The following FSTL5 variants were observed in gnomAD, a reference collection of about 807,000 sequenced individuals.
The protein encoded by FSTL5 is follistatin like 5.
Under a neutral mutation model 89.1 loss-of-function variants are expected in FSTL5, and 62 were observed. The observed-to-expected ratio is 0.70, with a 90% CI of 0.57 to 0.86. The LOEUF is 0.86. Among genes scored for constraint, FSTL5 ranks in the 40% least tolerant of loss-of-function variants. The probability of loss-of-function intolerance (pLI) is 0.00; values close to 1 mark genes in which losing one functional copy is unlikely to be tolerated. For synonymous variants in FSTL5, 383 were observed against 346.2 expected, an observed-to-expected ratio of 1.11 and a Z score of -1.18; for missense variants, 1,057 against 1,001.6, an observed-to-expected ratio of 1.06 and a Z score of -0.75.
At chr4:162,092,481 C>G (rs1234138116) in intron 2 of FSTL5, among the ~76,000 whole-genome samples, 1 of 152,170 alleles carries the variant, frequency 6.6e-6, no homozygotes, top group East Asian at 1.9e-4. Context: ...AATTTCCCAA[C>G]AGATGATCAT....
chr4:161,835,584 A>G (rs1355483777), intron 4 of FSTL5, among the ~76,000 whole-genome samples: 5 of 152,018 alleles, frequency 3.3e-5, no homozygotes, highest in Admixed American at 3.3e-4. Context: ...CAGAATCTAC[A>G]ATGAACTCAA....
At chr4:162,033,557 C>T (rs1183754947) in intron 3 of FSTL5, 68 bp downstream of exon 3, 13 of 758,018 alleles carry the variant, frequency 1.7e-5, no homozygotes, top group Non-Finnish European at 2.6e-5. Flanking sequence ...TTCAAAGTAG[C>T]ATCACATATC....
At chr4:161,636,559 G>T (rs182114716) in intron 7 of FSTL5, among the ~76,000 whole-genome samples, 2 of 147,664 alleles carry the variant, frequency 1.4e-5, no homozygotes, top group Admixed American at 1.4e-4. Flanking sequence ...TGCGCTGCAC[G>T]CACTAACTCG....
chr4:162,096,343 G>A (rs1364319402), intron 2 of FSTL5, among the ~76,000 whole-genome samples: 1 of 151,394 alleles, frequency 6.6e-6, no homozygotes, highest in African/African-American at 2.4e-5. Context: ...CTTTTCTTCA[G>A]CAATGAAAAC....
chr4:162,013,657 T>A (rs906419361), intron 3 of FSTL5, among the ~76,000 whole-genome samples: 2 of 152,316 alleles, frequency 1.3e-5, no homozygotes, highest in African/African-American at 4.8e-5. Flanking sequence ...GTTGGGATCA[T>A]GGCACATGGC....
intron 1 of FSTL5, among the ~76,000 whole-genome samples, chr4:162,126,986 C>G (rs1017607101): frequency 6.6e-6 from 1 of 152,134 alleles, no homozygotes; most frequent in African/African-American, 2.4e-5. Context: ...GTCAGCTTGC[C>G]TGACTGTCGT....
chr4:161,759,261 G>A (rs1385228817), intron 6 of FSTL5, 150 bp downstream of exon 6: 1 of 632,376 alleles, frequency 1.6e-6, no homozygotes, highest in African/African-American at 1.9e-5. Flanking sequence ...TTTTTCATAT[G>A]TTTCAATACA....
At chr4:161,784,720 C>T (rs1035070547) in intron 4 of FSTL5, among the ~76,000 whole-genome samples, 2 of 151,780 alleles carry the variant, frequency 1.3e-5, no homozygotes, top group Non-Finnish European at 2.9e-5. Context: ...CGCTGAAACC[C>T]CATCTCTACT....
At chr4:161,835,897 G>A (rs1183028249) in intron 4 of FSTL5, among the ~76,000 whole-genome samples, 3 of 150,770 alleles carry the variant, frequency 2.0e-5, no homozygotes, top group East Asian at 2.0e-4. Flanking sequence ...TCAGTGTGGC[G>A]ATTCCTCAGG....
chr4:161,838,486 G>C (rs539829086), intron 4 of FSTL5, among the ~76,000 whole-genome samples: 47 of 152,012 alleles, frequency 3.1e-4, no homozygotes, highest in African/African-American at 1.1e-3. Context: ...GGATTTCACC[G>C]TGTTAGCCAG....
intron 2 of FSTL5, among the ~76,000 whole-genome samples, chr4:162,088,009 CAAA>C (rs990654972): frequency 2.0e-5 from 3 of 151,988 alleles, no homozygotes; most frequent in African/African-American, 4.8e-5. Flanking sequence ...GGGAAATATT[CAAA>C]AAATAATACT....
At chr4:161,869,042 T>C (rs1560890618) in intron 4 of FSTL5, among the ~76,000 whole-genome samples, 1 of 151,896 alleles carries the variant, frequency 6.6e-6, no homozygotes, top group Non-Finnish European at 1.5e-5. Flanking sequence ...GCCAACATGG[T>C]GAAACCTCGT....
chr4:161,863,369 A>G lies in FSTL5; in HGVS notation c.409+57035T>C, dbSNP rs17041683. 6.2e-3 allele frequency among the ~76,000 whole-genome samples: 945 copies of G among 152,334 alleles called. 10 individuals are homozygous for G. The highest frequency in any genetic ancestry group is 0.022 in the African/African-American group (894 of 41,578). ...AGTTTCAGGCAAGGGAAGTTTTATC[A>G]TCAAAGATGTGCAGGAGGGTGAATG... On this transcript the variant is annotated intron_variant, in intron 4 of 15. Coordinates refer to ENST00000306100, the MANE Select transcript of FSTL5 (RefSeq NM_020116.5).
intron 2 of FSTL5, among the ~76,000 whole-genome samples, chr4:162,076,815 G>A (rs565674261): frequency 2.0e-5 from 3 of 151,782 alleles, no homozygotes; most frequent in Non-Finnish European, 4.4e-5. Flanking sequence ...CTCAGACACG[G>A]GGCTGATGTA....
intron 15 of FSTL5, among the ~76,000 whole-genome samples, chr4:161,392,482 C>A (rs975126462): frequency 2.6e-5 from 4 of 152,120 alleles, no homozygotes; most frequent in African/African-American, 9.7e-5. Flanking sequence ...ACCTTGGCCT[C>A]CCAGTGTGCT....
chr4:161,744,430 C>G (rs1292452955), intron 6 of FSTL5, among the ~76,000 whole-genome samples: 1 of 152,060 alleles, frequency 6.6e-6, no homozygotes, highest in Admixed American at 6.6e-5. Flanking sequence ...GGCTTAGCAC[C>G]AATAGTGGTA....
intron 7 of FSTL5, among the ~76,000 whole-genome samples, chr4:161,617,085 G>T (rs1330423148): frequency 4.6e-5 from 7 of 151,282 alleles, no homozygotes; most frequent in Non-Finnish European, 1.0e-4. Flanking sequence ...TAGGTTCAAG[G>T]ACTTAAAGGA....
intron 6 of FSTL5, among the ~76,000 whole-genome samples, chr4:161,690,700 C>T (rs1331652884): frequency 6.6e-6 from 1 of 151,996 alleles, no homozygotes; most frequent in Non-Finnish European, 1.5e-5. Flanking sequence ...AGGTTTGTTA[C>T]ATAAGTAAAG....
chr4:161,758,310 A>C (rs1407395634), intron 6 of FSTL5, among the ~76,000 whole-genome samples: 2 of 152,114 alleles, frequency 1.3e-5, no homozygotes, highest in African/African-American at 4.8e-5. Context: ...ACAAGTACGT[A>C]TTCTACTTCC....
Sources: gnomAD v4.1 joint callset for allele counts (sites outside exome capture counted in the v4.1 genomes callset) on GRCh38, gnomAD v4.1.1 for gene constraint, MANE v1.5 for transcripts, NCBI Gene and HGNC (gene_info 2026-07-23, HGNC 2026-07-21) for gene names.